The following CRTAC1 variants were observed in gnomAD, a reference collection of about 807,000 sequenced individuals.
CRTAC1 encodes the protein cartilage acidic protein 1.
Under a neutral mutation model 67.8 loss-of-function variants are expected in CRTAC1, and 37 were observed. The ratio of observed to expected loss-of-function variants is 0.55; its 90% CI spans 0.42 to 0.72. CRTAC1 has a LOEUF of 0.72. CRTAC1 is among the 30% of genes least tolerant of loss of function. CRTAC1 has a pLI of 0.00. For missense variants in CRTAC1, 780 were observed against 931.6 expected, an observed-to-expected ratio of 0.84 and a Z score of 2.12; for synonymous variants, 348 against 371.0, an observed-to-expected ratio of 0.94 and a Z score of 0.71.
intron 2 of CRTAC1, among the ~76,000 whole-genome samples, chr10:98,009,599 G>T (rs906448748): frequency 6.6e-6 from 1 of 152,178 alleles, no homozygotes; most frequent in African/African-American, 2.4e-5. Context: ...TAGATACTAG[G>T]TTGGCTACGG....
At chr10:98,022,084 G>A (rs112838325) in intron 1 of CRTAC1, among the ~76,000 whole-genome samples, 2,828 of 152,186 alleles carry the variant, frequency 0.019, 85 homozygotes, top group African/African-American at 0.064. Context: ...GGCCGGGTAC[G>A]GTGGCTCACA....
chr10:98,011,346 A>G lies in CRTAC1; in HGVS notation c.25-9T>C. On this transcript the variant is annotated splice_polypyrimidine_tract_variant and intron_variant, in intron 1 of 14. Coordinates refer to ENST00000370597, the MANE Select transcript of CRTAC1 (RefSeq NM_018058.7). Reference sequence around the variant, plus strand: ...GGTAACATCCTGGACATCTGAAACCAAAAGTGACAAATGTTACCGAAAGAA... The same window carrying G: ...GGTAACATCCTGGACATCTGAAACCGAAAGTGACAAATGTTACCGAAAGAA... 1 of 1,613,378 alleles carries G rather than the reference A, an allele frequency of 6.2e-7. No homozygotes were observed. The highest frequency in any genetic ancestry group is 8.5e-7 in the Non-Finnish European group (1 of 1,179,958).
At chr10:97,993,712 C>A (rs936449913) in intron 2 of CRTAC1, among the ~76,000 whole-genome samples, 13 of 152,214 alleles carry the variant, frequency 8.5e-5, no homozygotes, top group South Asian at 6.2e-4. Flanking sequence ...CCATAAGACC[C>A]TTGCCTATTT....
intron 1 of CRTAC1, among the ~76,000 whole-genome samples, chr10:98,021,520 A>G (rs576859278): frequency 6.6e-6 from 1 of 152,326 alleles, no homozygotes. Context: ...CTTAATAGGT[A>G]CTATTAACTG....
intron 2 of CRTAC1, among the ~76,000 whole-genome samples, chr10:97,936,571 C>A (rs546463773): frequency 2.0e-5 from 3 of 152,110 alleles, no homozygotes; most frequent in Non-Finnish European, 4.4e-5. Flanking sequence ...TGCGCCCGGG[C>A]GCAGTGAGAG....
At chr10:97,876,596 C>T (rs938075273) in intron 14 of CRTAC1, among the ~76,000 whole-genome samples, 1 of 152,122 alleles carries the variant, frequency 6.6e-6, no homozygotes, top group African/African-American at 2.4e-5. Flanking sequence ...TTGCATAATC[C>T]CTTCCGGGTC....
chr10:97,924,472 G>A (rs2050885292), intron 3 of CRTAC1, among the ~76,000 whole-genome samples: 1 of 152,128 alleles, frequency 6.6e-6, no homozygotes, highest in South Asian at 2.1e-4. Flanking sequence ...TTAGACTGAG[G>A]AGAGACAGCA....
At chr10:97,944,711 T>C (rs1253982021) in intron 2 of CRTAC1, among the ~76,000 whole-genome samples, 4 of 152,230 alleles carry the variant, frequency 2.6e-5, no homozygotes, top group African/African-American at 9.6e-5. Context: ...GTGGAAGTGA[T>C]GTTGGAGCAG....
At chr10:97,867,565 G>A (rs12252210) in intron 14 of CRTAC1, 15,219 of 152,432 alleles carry the variant, frequency 0.1, 1,303 homozygotes, top group African/African-American at 0.23. Context: ...GGATCCCCCT[G>A]GAGAGCCGCA....
chr10:97,904,656 G>A lies in CRTAC1; in HGVS notation c.996+13C>T. On this transcript the variant is annotated intron_variant, in intron 7 of 14. Transcript: ENST00000370597. ...GGCTGGTCTTGAACTCCTGGGGTGA[G>A]GCCCCTTCTTACCCGGAAGCGGACC... 6.6e-7 allele frequency: 1 copy of A among 1,523,774 alleles called. No individual in the cohort carries two copies. Among genetic ancestry groups the A allele is most frequent in the Non-Finnish European group, 8.8e-7 (1 of 1,138,826 alleles). The allele number at this position is 1,523,774 out of a possible 1,614,324, so 94.4% of individuals were successfully genotyped here. A position where few individuals can be genotyped will look rare whatever the true frequency, so the allele number is the denominator to read the frequency against.
chr10:97,980,385 T>A (rs1290477443), intron 2 of CRTAC1, among the ~76,000 whole-genome samples: 1 of 152,244 alleles, frequency 6.6e-6, no homozygotes, highest in Admixed American at 6.5e-5. Context: ...CAGGGAGATG[T>A]CTACAGTTTG....
intron 11 of CRTAC1, among the ~76,000 whole-genome samples, chr10:97,887,590 C>G (rs547805704): frequency 2.0e-5 from 3 of 152,302 alleles, no homozygotes; most frequent in African/African-American, 7.2e-5. Context: ...CAGACCCAGA[C>G]GTGGTGCAGG....
chr10:97,866,022 A>G, intron 14 of CRTAC1: 1 of 359,854 alleles, frequency 2.8e-6, no homozygotes, highest in Non-Finnish European at 5.0e-6. Flanking sequence ...CCTCTCTTCC[A>G]CAGCCCCTCT....
chr10:97,871,932 A>G (rs1178044335), intron 14 of CRTAC1, among the ~76,000 whole-genome samples: 3 of 152,192 alleles, frequency 2.0e-5, no homozygotes, highest in Non-Finnish European at 4.4e-5. Context: ...TGGAAAAGTG[A>G]TTGGGAACCA....
intron 1 of CRTAC1, among the ~76,000 whole-genome samples, chr10:98,016,759 G>GTCCCCAGATGGGACAGAACCACT (rs1373518792): frequency 4.6e-5 from 7 of 152,290 alleles, no homozygotes; most frequent in African/African-American, 1.7e-4. Flanking sequence ...CCAGCCTTGT[G>GTCCCCAGATGGGACAGAACCACT]GTCCCCAGAT....
intron 5 of CRTAC1, among the ~76,000 whole-genome samples, chr10:97,915,697 G>T (rs1010031023): frequency 6.6e-6 from 1 of 151,678 alleles, no homozygotes; most frequent in Non-Finnish European, 1.5e-5. Flanking sequence ...GACAAGGGGG[G>T]CTACAGGGTA....
In CRTAC1 at chr10:98,012,421, G is replaced by A. The variant is rs888629431; in HGVS notation, c.25-1084C>T. Among the ~76,000 whole-genome samples, 8 of 152,262 alleles carry A rather than the reference G, an allele frequency of 5.3e-5. No homozygotes were observed. In the East Asian group the frequency reaches 1.6e-3, roughly 30 times the overall value. The stretch of plus-strand genomic sequence containing the variant: ...ACTCATGAAATGTTTTAAAGGCTCT[G>A]CTGGAAGGAGGTCCACAAAGGCTGC... On this transcript the variant is annotated intron_variant, in intron 1 of 14. Transcript: ENST00000370597.
At chr10:97,879,316 G>A (rs1048791262) in intron 14 of CRTAC1, among the ~76,000 whole-genome samples, 2 of 152,106 alleles carry the variant, frequency 1.3e-5, no homozygotes, top group South Asian at 2.1e-4. Flanking sequence ...GTACATTATC[G>A]GATCAACCGG....
Position 97,917,674 on chromosome 10 carries a change from G to A in CRTAC1, c.559-18C>T. The stretch of plus-strand genomic sequence containing the variant: ...CCAGAGCCCTGAGGAAGAAGGGAAG[G>A]GAGAGGTGAGCAGGGCCACCTTGGC... On this transcript the variant is annotated intron_variant, in intron 4 of 14. Transcript: ENST00000370597. The A allele has an allele frequency of 6.6e-7, 1 of 1,524,612 alleles. No individual in the cohort carries two copies. 94.4% of individuals were successfully genotyped at this position (1,524,612 alleles called of 1,614,324 possible).
Sources: allele counts gnomAD v4.1 joint callset (sites outside exome capture counted in the v4.1 genomes callset), GRCh38; gene constraint gnomAD v4.1.1; transcripts MANE v1.5; gene names NCBI Gene and HGNC (gene_info 2026-07-23, HGNC 2026-07-21).